The following TSPAN9 variants were observed in gnomAD, a reference collection of about 807,000 sequenced individuals.
TSPAN9 encodes tetraspanin 9, also known as tetraspanin-9.
Under a neutral mutation model 31.0 loss-of-function variants are expected in TSPAN9, and 16 were observed. The ratio of observed to expected loss-of-function variants is 0.52; its 90% confidence interval spans 0.35 to 0.78. The LOEUF is 0.78. TSPAN9 is among the 30% of genes least tolerant of loss of function. The pLI, the probability that TSPAN9 is intolerant of heterozygous loss-of-function variation, is 0.01. For missense variants in TSPAN9, 272 were observed against 312.5 expected, an observed-to-expected ratio of 0.87 and a Z score of 0.98; for synonymous variants, 145 against 121.6, an observed-to-expected ratio of 1.19 and a Z score of -1.27.
rs369323107 is a variant in TSPAN9 at position 3,083,132 on chromosome 12, C to G, written c.-84-521C>G. On this transcript the variant is annotated intron_variant, in intron 1 of 8. Transcript: ENST00000011898. Reference sequence around the variant, plus strand: ...TTCTCACTTGATGGCCATTTTCCACCAAGTTTTTATTGCTCCATAAGAGTA... The same window carrying G: ...TTCTCACTTGATGGCCATTTTCCACGAAGTTTTTATTGCTCCATAAGAGTA... Among the ~76,000 whole-genome samples the G allele has an allele frequency of 4.6e-5, 7 of 152,300 alleles. No homozygotes were observed. In the South Asian group the frequency reaches 6.2e-4, roughly 14 times the overall value.
chr12:3,230,014 A>G (rs1416741291), intron 3 of TSPAN9, among the ~76,000 whole-genome samples: 1 of 152,210 alleles, frequency 6.6e-6, no homozygotes, highest in Non-Finnish European at 1.5e-5. Flanking sequence ...ACAACGGAGC[A>G]GTGTGTAGAT....
chr12:3,174,886 C>CCACATTTATTAATTTCACTCT (rs2098354560), intron 2 of TSPAN9, among the ~76,000 whole-genome samples: 2 of 152,166 alleles, frequency 1.3e-5, no homozygotes, highest in African/African-American at 4.8e-5. Flanking sequence ...CCGGCCTCAG[C>CCACATTTATTAATTTCACTCT]TGTGGTTTTA....
chr12:3,241,060 A>G (rs1180122749), intron 3 of TSPAN9, among the ~76,000 whole-genome samples: 4 of 152,186 alleles, frequency 2.6e-5, no homozygotes, highest in Non-Finnish European at 5.9e-5. Flanking sequence ...GAGGAAAATC[A>G]CTTTGCAGAG....
intron 2 of TSPAN9, among the ~76,000 whole-genome samples, chr12:3,103,453 C>G (rs2098312762): frequency 7.0e-6 from 1 of 142,362 alleles, no homozygotes; most frequent in African/African-American, 3.1e-5. Context: ...CAGGCAGGCT[C>G]TAGGAACCAG....
In TSPAN9 at chr12:3,085,281, C is replaced by T. The variant is rs372245402; in HGVS notation, c.-18+1562C>T. Among the ~76,000 whole-genome samples, 3 of 151,938 alleles carry T rather than the reference C, an allele frequency of 2.0e-5. No individual in the cohort carries two copies. The East Asian group carries it at 5.8e-4, about 29-fold the overall frequency. On this transcript the variant is annotated intron_variant, in intron 2 of 8. Transcript: ENST00000011898. ...GACCGTCCTGCTGTGCGGCATGTCC[C>T]CCACATCCCGTGGGGCCTGTTCCTG...
At chr12:3,282,122 C>T (rs1221112653) in intron 8 of TSPAN9, 1 of 627,318 alleles carries the variant, frequency 1.6e-6, no homozygotes, top group African/African-American at 1.8e-5. Flanking sequence ...CTCAGAGAGC[C>T]ATGCAAGACA....
chr12:3,221,703 T>TG (rs1373711438), intron 3 of TSPAN9, among the ~76,000 whole-genome samples: 1 of 152,226 alleles, frequency 6.6e-6, no homozygotes, highest in East Asian at 1.9e-4. Context: ...TCACCCAGGC[T>TG]GGAATCCAGT....
rs1591673641 is a variant in TSPAN9, at chr12:3,201,242, A to C, written c.49A>C (p.Asn17His). The C allele has an allele frequency of 6.2e-7, 1 of 1,614,014 alleles. No individual in the cohort carries two copies. The highest frequency in any genetic ancestry group is 8.5e-7 in the Non-Finnish European group (1 of 1,180,004). ...CTTGAAGTACATGATGTTCCTCTTC[A>C]ATTTGATATTCTGGGTAAGTCCTTC... ...CCLKYMMFLF[N>H]LIFWLCGCGL... The change falls in exon 3 of 9, where the codon AAT becomes CAT. Residue 17 changes from asparagine to histidine, a missense_variant. By Grantham distance (68) the Asn-to-His change is moderately conservative. Coordinates refer to ENST00000011898, the MANE Select transcript of TSPAN9 (RefSeq NM_006675.5).
chr12:3,081,142 G>A (rs1029332437), intron 1 of TSPAN9, among the ~76,000 whole-genome samples: 1 of 152,190 alleles, frequency 6.6e-6, no homozygotes, highest in Non-Finnish European at 1.5e-5. Context: ...GTAGCTCAGG[G>A]CCTCATATAC....
chr12:3,098,832 C>G (rs1321435619), intron 2 of TSPAN9, among the ~76,000 whole-genome samples: 1 of 151,516 alleles, frequency 6.6e-6, no homozygotes, highest in Admixed American at 6.6e-5. Flanking sequence ...CTCTCTGCAA[C>G]CGCAGCCTCC....
intron 3 of TSPAN9, among the ~76,000 whole-genome samples, chr12:3,231,705 T>C (rs2098390873): frequency 6.6e-6 from 1 of 152,256 alleles, no homozygotes; most frequent in Non-Finnish European, 1.5e-5. Flanking sequence ...CTCCAGGTTG[T>C]GGGCGGGCGG....
intron 3 of TSPAN9, among the ~76,000 whole-genome samples, chr12:3,277,765 G>A (rs1862816381): frequency 6.6e-6 from 1 of 152,198 alleles, no homozygotes; most frequent in Non-Finnish European, 1.5e-5. Context: ...CATGCCAGAG[G>A]CCAGCTTATT....
At chr12:3,118,256 GT>G (rs72307230) in intron 2 of TSPAN9, among the ~76,000 whole-genome samples, 20 of 31,564 alleles carry the variant, frequency 6.3e-4, no homozygotes, top group Admixed American at 1.3e-3. Context: ...TGCACCCGCC[GT>G]TTTTTTTTTT....
At chr12:3,214,670 T>G (rs1040360331) in intron 3 of TSPAN9, among the ~76,000 whole-genome samples, 36 of 151,602 alleles carry the variant, frequency 2.4e-4, no homozygotes, top group Non-Finnish European at 1.2e-4. Context: ...GAACACGCCC[T>G]CCCCCCTGCA....
chr12:3,112,676 CTTTTTTT>C (rs765040711), intron 2 of TSPAN9, among the ~76,000 whole-genome samples: 12 of 88,514 alleles, frequency 1.4e-4, no homozygotes, highest in East Asian at 3.5e-4. Flanking sequence ...TTTATTTTTG[CTTTTTTT>C]TTTTTTTTTT....
chr12:3,186,539 AGTTTGTTTGT>A (rs754614709), intron 2 of TSPAN9, among the ~76,000 whole-genome samples: 1 of 59,848 alleles, frequency 1.7e-5, no homozygotes, highest in Non-Finnish European at 3.5e-5. Context: ...GTGGGCCAGG[AGTTTGTTTGT>A]GTGTGTGTGT....
intron 2 of TSPAN9, among the ~76,000 whole-genome samples, chr12:3,144,596 G>A (rs1157673798): frequency 6.6e-6 from 1 of 152,208 alleles, no homozygotes. Flanking sequence ...CCAGCCCCCA[G>A]AACCGCGAGA....
At chr12:3,181,640 G>A (rs563881241) in intron 2 of TSPAN9, among the ~76,000 whole-genome samples, 1 of 152,234 alleles carries the variant, frequency 6.6e-6, no homozygotes, top group East Asian at 1.9e-4. Flanking sequence ...AGGGAGGTGG[G>A]CTTTATGCCC....
rs148088551 is a variant in TSPAN9, at chr12:3,152,370, C to A, written c.-17-48807C>A. On this transcript the variant is annotated intron_variant, in intron 2 of 8. Transcript: ENST00000011898. ...GGCTGGGATTTGGCATCCCACCGGCCCCTCTTTTTGGAAGGTCCTGTGGCA... is the reference window on the plus strand; with the variant it reads ...GGCTGGGATTTGGCATCCCACCGGCACCTCTTTTTGGAAGGTCCTGTGGCA... Among the ~76,000 whole-genome samples, 535 of 152,338 alleles carry A rather than the reference C, an allele frequency of 3.5e-3. 7 individuals are homozygous for A. The highest frequency in any genetic ancestry group is 0.023 in the East Asian group (118 of 5,182).
Sources: allele counts gnomAD v4.1 joint callset (sites outside exome capture counted in the v4.1 genomes callset), GRCh38; gene constraint gnomAD v4.1.1; transcripts MANE v1.5; gene names NCBI Gene and HGNC (gene_info 2026-07-23, HGNC 2026-07-21).